Variants in RBCK1 observed in about 807,000 individuals in gnomAD.
RBCK1 encodes RANBP2-type and C3HC4-type zinc finger containing 1, also known as ranBP-type and C3HC4-type zinc finger-containing protein 1.
Under a neutral mutation model 71.1 loss-of-function variants are expected in RBCK1, and 44 were observed. The observed-to-expected ratio is 0.62, with a 90% CI of 0.49 to 0.80. The LOEUF (loss-of-function observed/expected upper bound fraction) is 0.80. Among genes scored for constraint, RBCK1 ranks in the 30% least tolerant of loss-of-function variants. The probability of loss-of-function intolerance (pLI) is 0.00; values close to 1 mark genes in which losing one functional copy is unlikely to be tolerated. For missense variants in RBCK1, 569 were observed against 685.0 expected (o/e 0.83, Z 1.89); for synonymous variants, 306 against 279.7 (o/e 1.09, Z -0.94).
intron 8 of RBCK1, among the ~76,000 whole-genome samples, chr20:424,109 A>T (rs1568563173): frequency 6.6e-6 from 1 of 152,210 alleles, no homozygotes; most frequent in Non-Finnish European, 1.5e-5. Context: ...GGGAGACAGA[A>T]ACAAATTGGA....
chr20:421,261 C>T (rs1386151564), intron 7 of RBCK1, among the ~76,000 whole-genome samples: 1 of 152,156 alleles, frequency 6.6e-6, no homozygotes, highest in Non-Finnish European at 1.5e-5. Context: ...GACGTGAGCG[C>T]AGGCGTGGGG....
rs573670138 is a variant in RBCK1 at position 430,045 on chromosome 20, C to T, written c.1453-305C>T. Among the ~76,000 whole-genome samples the T allele has an allele frequency of 4.6e-5, 7 of 152,302 alleles. No homozygotes were observed. In the South Asian group the frequency reaches 1.0e-3, roughly 23 times the overall value. On this transcript the variant is annotated intron_variant, in intron 11 of 11. Coordinates refer to ENST00000356286, the MANE Select transcript of RBCK1 (RefSeq NM_031229.4). This position sits in a 1 kb window ranked among gnomAD's most constrained non-coding sequence, Gnocchi z 5.6. ...CTCTGGAATTGGGGGCCTGTTGCTA[C>T]GTTCAGGTAGACTTTCAGACAGGTG...
At chr20:416,055 G>A (rs2015965235) in intron 2 of RBCK1, among the ~76,000 whole-genome samples, 1 of 152,124 alleles carries the variant, frequency 6.6e-6, no homozygotes, top group African/African-American at 2.4e-5. Context: ...GTAAGATTTG[G>A]GCAGGGACAA....
intron 7 of RBCK1, 21 bp downstream of exon 7, chr20:421,052 C>T (rs1029201433): frequency 1.1e-5 from 16 of 1,521,930 alleles, no homozygotes; most frequent in African/African-American, 1.4e-5. Context: ...CAGTCCCACC[C>T]CCGGCAATGC....
At position 421,849 on chromosome 20, in the gene RBCK1, G is replaced by T; in HGVS notation, c.918-278G>T. 1.3e-5 allele frequency: 6 copies of T among 457,202 alleles called. No homozygotes were observed. The South Asian group carries it at 1.8e-4, about 14-fold the overall frequency. The allele number at this position is 457,202 out of a possible 1,614,324, so 28.3% of individuals were successfully genotyped here. ...TGCTGTTCTGAGATAGACTCTAGGGGCCAGATGGATGCAGGGAGCCCAGCG... is the reference window on the plus strand; with the variant it reads ...TGCTGTTCTGAGATAGACTCTAGGGTCCAGATGGATGCAGGGAGCCCAGCG... On this transcript the variant is annotated intron_variant, in intron 7 of 11. Coordinates refer to ENST00000356286, the MANE Select transcript of RBCK1 (RefSeq NM_031229.4).
In RBCK1 at chr20:419,647, C is replaced by T. The variant is rs2016248269; in HGVS notation, c.672C>T (p.Tyr224=). ...EMCCRARPEA[Y]QVPASYQPDE... ...GCTGCCGGGCGCGCCCCGAGGCCTA[C>T]CAGGTCCCCGCCTCATACCAGCCCG... Residue 224 remains tyrosine (Y), a synonymous_variant, in exon 6 of 12, where the codon TAC becomes TAT. Transcript: ENST00000356286. The T allele has an allele frequency of 3.8e-6, 6 of 1,586,270 alleles. No individual in the cohort carries two copies. The highest frequency in any genetic ancestry group is 5.1e-6 in the Non-Finnish European group (6 of 1,168,512).
In RBCK1 at chr20:417,817, C is replaced by T. The variant is rs2016087549; in HGVS notation, c.347C>T (p.Ser116Phe). The T allele has an allele frequency of 6.2e-7, 1 of 1,614,122 alleles. No individual in the cohort carries two copies. The highest frequency in any genetic ancestry group is 8.5e-7 in the Non-Finnish European group (1 of 1,180,010). The change falls in exon 4 of 12, where the codon TCC becomes TTC. Residue 116 changes from serine to phenylalanine, a missense_variant. Physicochemically the swap from Ser to Phe is radical, Grantham distance 155. Coordinates refer to ENST00000356286, the MANE Select transcript of RBCK1 (RefSeq NM_031229.4). This position sits in a 1 kb window ranked among gnomAD's most constrained non-coding sequence, Gnocchi z 4.7. ...RLARDQETLH[S>F]HGVRQNGDSA... The stretch of plus-strand genomic sequence containing the variant: ...GCACGAGACCAGGAGACCCTGCACT[C>T]CCATGGGGTGCGGCAGAATGGGGAC...
At chr20:412,653 T>G (rs2015776245) in intron 2 of RBCK1, among the ~76,000 whole-genome samples, 1 of 152,108 alleles carries the variant, frequency 6.6e-6, no homozygotes, top group African/African-American at 2.4e-5. Context: ...GTAGGAGTAC[T>G]TTATTCATTT....
chr20:418,514 GC>G (rs1232749314), intron 4 of RBCK1, among the ~76,000 whole-genome samples: 22 of 151,636 alleles, frequency 1.5e-4, no homozygotes, highest in South Asian at 6.3e-4. Flanking sequence ...GACTACAGGC[GC>G]CCGCCACCAC....
At chr20:421,095 G>T (rs2016406828) in intron 7 of RBCK1, 64 bp downstream of exon 7, 2 of 1,464,898 alleles carry the variant, frequency 1.4e-6, no homozygotes, top group Non-Finnish European at 1.8e-6. Context: ...ACGCAGGGCT[G>T]GACGTGGGTG....
chr20:427,619 A>AT, intron 9 of RBCK1, 127 bp downstream of exon 9: 1 of 1,021,114 alleles, frequency 9.8e-7, no homozygotes, highest in Non-Finnish European at 1.4e-6. Context: ...TTAGAGCTAC[A>AT]TGTCAGTGGG....
chr20:422,101 A>C lies in RBCK1; in HGVS notation c.918-26A>C, dbSNP rs2016470937. The C allele has an allele frequency of 1.3e-6, 2 of 1,586,088 alleles. No individual in the cohort carries two copies. Among genetic ancestry groups the C allele is most frequent in the East Asian group, 2.2e-5 (1 of 44,722 alleles). On this transcript the variant is annotated intron_variant, in intron 7 of 11. Transcript: ENST00000356286. The surrounding 1 kb of genome is among the most constrained non-coding windows in gnomAD (Gnocchi z 5.0). Reference sequence around the variant, plus strand: ...CAGTGAAGGGGGTTCCTATGATCCTAACTCTTTTCCCCTCCCCTCCCCTAG... The same window carrying C: ...CAGTGAAGGGGGTTCCTATGATCCTCACTCTTTTCCCCTCCCCTCCCCTAG...
intron 6 of RBCK1, chr20:420,487 C>T (rs1417867792): frequency 2.2e-5 from 22 of 984,434 alleles, no homozygotes; most frequent in African/African-American, 8.8e-5. Context: ...AGCCCTGGCC[C>T]GGGCCCTGCC....
Position 419,584 on chromosome 20 carries a change from C to T in RBCK1, c.609C>T (p.Thr203=), listed in dbSNP as rs2016242054. The T allele has an allele frequency of 1.2e-6, 2 of 1,604,882 alleles. No individual in the cohort carries two copies. Among genetic ancestry groups the T allele is most frequent in the Non-Finnish European group, 1.7e-6 (2 of 1,176,474 alleles). The change falls in exon 6 of 12, where the codon ACC becomes ACT. Residue 203 remains threonine, a synonymous_variant. Coordinates refer to ENST00000356286, the MANE Select transcript of RBCK1 (RefSeq NM_031229.4). ...PPVGWQCPGC[T]FINKPTRPGC... ...TGGGCTGGCAGTGCCCCGGGTGCAC[C>T]TTCATCAACAAGCCCACGCGGCCTG...
At position 422,146 on chromosome 20, in the gene RBCK1, A is replaced by C; in HGVS notation, c.937A>C (p.Ile313Leu). Residue 313 changes from isoleucine to leucine, a missense_variant, in exon 8 of 12, where the codon ATC (isoleucine) becomes CTC (leucine). By Grantham distance (5) the Ile-to-Leu change is conservative. Coordinates refer to ENST00000356286, the MANE Select transcript of RBCK1 (RefSeq NM_031229.4). The surrounding 1 kb of genome is among the most constrained non-coding windows in gnomAD (Gnocchi z 5.0). ...TFCRECLQGT[I>L]RNSQEAEVSC... is the part of the protein sequence containing the mutation. ...CCCTAGGGAGTGCCTGCAGGGCACC[A>C]TCCGCAACAGCCAGGAGGCGGAGGT... 1 of 1,612,520 alleles carries C rather than the reference A, an allele frequency of 6.2e-7. No individual in the cohort carries two copies. The highest frequency in any genetic ancestry group is 8.5e-7 in the Non-Finnish European group (1 of 1,179,834).
chr20:418,570 G>C (rs527646483), intron 4 of RBCK1, among the ~76,000 whole-genome samples: 10 of 151,986 alleles, frequency 6.6e-5, no homozygotes, highest in East Asian at 1.9e-4. Context: ...GGGTTTCACC[G>C]TGTTAGCCAG....
chr20:421,163 G>T, intron 7 of RBCK1, 132 bp downstream of exon 7: 1 of 1,156,006 alleles, frequency 8.7e-7, no homozygotes, highest in Non-Finnish European at 1.2e-6. Context: ...GGTAGGCTCC[G>T]TCTCCCCATG....
intron 2 of RBCK1, among the ~76,000 whole-genome samples, chr20:416,512 T>A (rs2016002282): frequency 6.6e-6 from 1 of 152,208 alleles, no homozygotes; most frequent in South Asian, 2.1e-4. Context: ...CTGAATGCAG[T>A]GTTTTCCCAA....
Position 431,975 on chromosome 20 carries a change from G to GGA in RBCK1, c.*1547_*1548dup, listed in dbSNP as rs1375154103. 2.2e-4 allele frequency among the ~76,000 whole-genome samples: 34 copies of GGA among 152,340 alleles called. 1 individual carries two copies. Among genetic ancestry groups the GGA allele is most frequent in the African/African-American group, 7.9e-4 (33 of 41,588 alleles). ...CCAGGGCCTGGCCTGGTGTCTCTCA[G>GGA]GAGCCTGGGCATGAGACAAAAGCAG... On this transcript the variant is annotated 3_prime_UTR_variant, in exon 12 of 12. Transcript: ENST00000356286. This position sits in a 1 kb window ranked among gnomAD's most constrained non-coding sequence, Gnocchi z 4.8.
Sources: gnomAD v4.1 joint callset for allele counts (sites outside exome capture counted in the v4.1 genomes callset) on GRCh38, gnomAD v4.1.1 for gene constraint, Gnocchi (gnomAD v3.1) non-coding constraint, MANE v1.5 for transcripts, NCBI Gene and HGNC (gene_info 2026-07-23, HGNC 2026-07-21) for gene names.